BBS9: variants seen among roughly 807,000 people sequenced by gnomAD.
The protein encoded by BBS9 is Bardet-Biedl syndrome 9.
Under a neutral mutation model 117.7 loss-of-function variants are expected in BBS9, and 89 were observed. The observed-to-expected ratio is 0.76, with a 90% CI of 0.64 to 0.90. BBS9 has a LOEUF of 0.90. Among genes scored for constraint, BBS9 ranks in the 40% least tolerant of loss-of-function variants. The pLI is 0.00. For synonymous variants in BBS9, 379 were observed against 370.9 expected (o/e 1.02, Z -0.25); for missense variants, 982 against 1,042.2 (o/e 0.94, Z 0.80).
intron 21 of BBS9, among the ~76,000 whole-genome samples, chr7:33,592,387 G>C (rs142921730): frequency 2.0e-5 from 3 of 152,230 alleles, no homozygotes; most frequent in African/African-American, 7.2e-5. Context: ...CAAGATACAT[G>C]ATACTTGCCA....
At chr7:33,242,892 G>A in intron 5 of BBS9, 1 of 515,746 alleles carries the variant, frequency 1.9e-6, no homozygotes, top group Non-Finnish European at 3.9e-6. Context: ...AGAAACAGTA[G>A]GAAGGTTAGA....
intron 5 of BBS9, among the ~76,000 whole-genome samples, chr7:33,208,443 C>G (rs1787370779): frequency 6.6e-6 from 1 of 152,320 alleles, no homozygotes; most frequent in East Asian, 1.9e-4. Flanking sequence ...GAGCTTTGAA[C>G]TTGTAGATCC....
At chr7:33,297,428 T>A (rs1805496094) in intron 9 of BBS9, among the ~76,000 whole-genome samples, 1 of 152,190 alleles carries the variant, frequency 6.6e-6, no homozygotes, top group Non-Finnish European at 1.5e-5. Flanking sequence ...GAAATTGTAA[T>A]CATTGATCAG....
intron 19 of BBS9, among the ~76,000 whole-genome samples, chr7:33,445,056 T>C (rs903488238): frequency 6.6e-6 from 1 of 151,416 alleles, no homozygotes; most frequent in African/African-American, 2.4e-5. Flanking sequence ...GGGAAGTGAG[T>C]GGAGAAAGGA....
At chr7:33,604,743 G>A in intron 21 of BBS9, 122 bp from the exon 22 acceptor site, 1 of 769,340 alleles carries the variant, frequency 1.3e-6, no homozygotes, top group Non-Finnish European at 2.3e-6. Context: ...GGCCACTCCT[G>A]AAGATTGTTG....
chr7:33,516,151 A>C (rs1428161537), intron 20 of BBS9, among the ~76,000 whole-genome samples: 1 of 152,152 alleles, frequency 6.6e-6, no homozygotes, highest in Non-Finnish European at 1.5e-5. Context: ...ACTGAGTATA[A>C]GACACAACCC....
At chr7:33,151,417 T>TCTGCAATGC in intron 2 of BBS9, among the ~76,000 whole-genome samples, 1 of 152,132 alleles carries the variant, frequency 6.6e-6, no homozygotes, top group South Asian at 2.1e-4. Context: ...GAATGTAAGA[T>TCTGCAATGC]AGCTTTCCCA....
chr7:33,220,088 C>A (rs1390623933), intron 5 of BBS9, among the ~76,000 whole-genome samples: 2 of 152,268 alleles, frequency 1.3e-5, no homozygotes, highest in Middle Eastern at 6.8e-3. Context: ...TTCTTGAAGT[C>A]AGTGAGACCA....
At chr7:33,453,646 C>T (rs950213841) in intron 19 of BBS9, among the ~76,000 whole-genome samples, 4 of 151,788 alleles carry the variant, frequency 2.6e-5, no homozygotes, top group African/African-American at 7.3e-5. Flanking sequence ...CTCAGCCTCC[C>T]GAGTAGCTAG....
chr7:33,149,737 C>G (rs569551049), intron 2 of BBS9, among the ~76,000 whole-genome samples: 9 of 152,304 alleles, frequency 5.9e-5, no homozygotes, highest in Non-Finnish European at 1.3e-4. Context: ...TTAATTGTAG[C>G]TTGAAATCTG....
intron 19 of BBS9, among the ~76,000 whole-genome samples, chr7:33,413,195 A>G (rs1237011399): frequency 1.3e-5 from 2 of 152,240 alleles, no homozygotes; most frequent in Non-Finnish European, 2.9e-5. Flanking sequence ...TACAACTCTC[A>G]GTATCTAAAA....
intron 19 of BBS9, among the ~76,000 whole-genome samples, chr7:33,490,061 C>T (rs368703418): frequency 9.7e-4 from 148 of 152,218 alleles, no homozygotes; most frequent in African/African-American, 3.5e-3. Context: ...ACTGTGACAC[C>T]TGTTTAATTT....
At chr7:33,432,843 A>C (rs1834725214) in intron 19 of BBS9, among the ~76,000 whole-genome samples, 1 of 151,972 alleles carries the variant, frequency 6.6e-6, no homozygotes, top group African/African-American at 2.4e-5. Context: ...GTTATGCCCT[A>C]AAAGGTTCCC....
chr7:33,462,049 G>A (rs1839535782), intron 19 of BBS9, among the ~76,000 whole-genome samples: 1 of 151,970 alleles, frequency 6.6e-6, no homozygotes, highest in African/African-American at 2.4e-5. Flanking sequence ...ATTCAAACAT[G>A]AAGATGTATA....
chr7:33,218,754 A>G (rs1789558039), intron 5 of BBS9, among the ~76,000 whole-genome samples: 2 of 152,264 alleles, frequency 1.3e-5, no homozygotes, highest in African/African-American at 4.8e-5. Flanking sequence ...TTGGTGATTG[A>G]CACATCTTAT....
intron 2 of BBS9, among the ~76,000 whole-genome samples, chr7:33,147,579 C>T (rs1042614421): frequency 6.6e-6 from 1 of 152,130 alleles, no homozygotes; most frequent in Non-Finnish European, 1.5e-5. Flanking sequence ...GCCTCTGCCC[C>T]CGCTATTTGT....
chr7:33,322,618 G>A (rs1260684685), intron 9 of BBS9, among the ~76,000 whole-genome samples: 1 of 151,138 alleles, frequency 6.6e-6, no homozygotes, highest in Non-Finnish European at 1.5e-5. Context: ...TACTTATTTG[G>A]GCCTTCTGTC....
At chr7:33,526,798 C>T (rs1262347325) in intron 20 of BBS9, among the ~76,000 whole-genome samples, 6 of 151,940 alleles carry the variant, frequency 3.9e-5, no homozygotes, top group Non-Finnish European at 5.9e-5. Context: ...TGAGGAGCTG[C>T]GTTCCTTTGG....
rs1192459650 is a variant in BBS9 at position 33,311,032 on chromosome 7, A to G, written c.1017-25409A>G. 3.3e-5 allele frequency among the ~76,000 whole-genome samples: 5 copies of G among 152,360 alleles called. No individual in the cohort carries two copies. In the East Asian group the frequency reaches 7.7e-4, roughly 23 times the overall value. Reference sequence around the variant, plus strand: ...ATAGTAGCTGGCACTTTGGGAGCATATAACAGGGGACCTGGCCTAGAATGT... The same window carrying G: ...ATAGTAGCTGGCACTTTGGGAGCATGTAACAGGGGACCTGGCCTAGAATGT... On this transcript the variant is annotated intron_variant, in intron 9 of 22. Transcript: ENST00000242067.
Sources: gnomAD v4.1 joint callset for allele counts (sites outside exome capture counted in the v4.1 genomes callset) on GRCh38, gnomAD v4.1.1 for gene constraint, MANE v1.5 for transcripts, NCBI Gene and HGNC (gene_info 2026-07-23, HGNC 2026-07-21) for gene names.